Variants in CPA6 observed in about 807,000 individuals in gnomAD.
The protein encoded by CPA6 is carboxypeptidase B.
A neutral mutation model predicts 63.3 loss-of-function variants in CPA6; 58 were observed. The observed-to-expected ratio is 0.92, with a 90% CI of 0.74 to 1.14. The LOEUF is 1.14. Ranked by LOEUF, CPA6 falls within the 50% of genes most tolerant of loss-of-function variation. The pLI is 0.00. For missense variants in CPA6, 565 were observed against 526.6 expected, an observed-to-expected ratio of 1.07 and a Z score of -0.71; for synonymous variants, 185 against 179.0, an observed-to-expected ratio of 1.03 and a Z score of -0.27.
intron 3 of CPA6, among the ~76,000 whole-genome samples, chr8:67,516,049 A>G (rs1341974611): frequency 2.6e-5 from 4 of 151,998 alleles, no homozygotes; most frequent in African/African-American, 9.7e-5. Context: ...TTCACTGAGG[A>G]CCTCAACTTT....
At position 67,541,521 on chromosome 8, in the gene CPA6, C is replaced by G. The variant is rs565813770; in HGVS notation, c.193-23474G>C. Among the ~76,000 whole-genome samples, 738 of 152,198 alleles carry G rather than the reference C, an allele frequency of 4.8e-3. 8 individuals carry two copies. Among genetic ancestry groups the G allele is most frequent in the African/African-American group, 0.017 (693 of 41,528 alleles). On this transcript the variant is annotated intron_variant, in intron 2 of 10. Transcript: ENST00000297770. The stretch of plus-strand genomic sequence containing the variant: ...GCATGCAGCCCCCAGTCACATACCC[C>G]CTGCTTGCTCAATCGATCACGATCC...
rs188830996 is a variant in CPA6, at chr8:67,639,404, A to T, written c.117-15153T>A. ...AGCCAGACATGCAGCTACAAGGGGT[A>T]TGTGAATGAATGTGGGGTCCAGCTA... On this transcript the variant is annotated intron_variant, in intron 1 of 10. Coordinates refer to ENST00000297770, the MANE Select transcript of CPA6 (RefSeq NM_020361.5). Among the ~76,000 whole-genome samples, 229 of 151,696 alleles carry T rather than the reference A, an allele frequency of 1.5e-3. 3 individuals are homozygous for T. The highest frequency in any genetic ancestry group is 1.8e-3 in the Non-Finnish European group (122 of 68,012).
intron 1 of CPA6, among the ~76,000 whole-genome samples, chr8:67,712,899 G>T: frequency 6.6e-6 from 1 of 151,330 alleles, no homozygotes; most frequent in East Asian, 1.9e-4. Context: ...CCGCCCTCTT[G>T]GTTATTAGGT....
At chr8:67,571,377 C>G (rs1315698059) in intron 2 of CPA6, among the ~76,000 whole-genome samples, 2 of 152,140 alleles carry the variant, frequency 1.3e-5, no homozygotes, top group African/African-American at 4.8e-5. Flanking sequence ...GCAGAACATT[C>G]CAGCCAACAG....
intron 1 of CPA6, among the ~76,000 whole-genome samples, chr8:67,732,875 G>A (rs1042504223): frequency 1.3e-5 from 2 of 152,086 alleles, no homozygotes; most frequent in Non-Finnish European, 2.9e-5. Flanking sequence ...ATGTCACCCT[G>A]CTGCTTGTCC....
At chr8:67,700,512 T>TC (rs1191593201) in intron 1 of CPA6, among the ~76,000 whole-genome samples, 1 of 116,432 alleles carries the variant, frequency 8.6e-6, no homozygotes, top group Non-Finnish European at 1.7e-5. Flanking sequence ...TCTTTTGGTA[T>TC]TTTGGGGAGA....
chr8:67,653,277 A>G (rs571819751), intron 1 of CPA6, among the ~76,000 whole-genome samples: 25 of 152,294 alleles, frequency 1.6e-4, no homozygotes, highest in African/African-American at 2.6e-4. Context: ...AATTCTGTGA[A>G]GAAAGTCATT....
At chr8:67,686,018 A>T (rs1251128441) in intron 1 of CPA6, among the ~76,000 whole-genome samples, 1 of 152,216 alleles carries the variant, frequency 6.6e-6, no homozygotes, top group Non-Finnish European at 1.5e-5. Context: ...CTGCCGCTTG[A>T]TAATTTGCTT....
chr8:67,703,629 C>T (rs1276748777), intron 1 of CPA6, among the ~76,000 whole-genome samples: 2 of 152,212 alleles, frequency 1.3e-5, no homozygotes, highest in African/African-American at 4.8e-5. Flanking sequence ...ACCCATGGCT[C>T]TTGCTGCATT....
chr8:67,496,812 G>A (rs1273096204), intron 6 of CPA6, among the ~76,000 whole-genome samples: 1 of 151,710 alleles, frequency 6.6e-6, no homozygotes, highest in Non-Finnish European at 1.5e-5. Context: ...GCCCACCTTG[G>A]CCTCCCAAAG....
At chr8:67,635,919 A>G (rs1815458518) in intron 1 of CPA6, among the ~76,000 whole-genome samples, 1 of 151,590 alleles carries the variant, frequency 6.6e-6, no homozygotes. Context: ...AAGGGACCAG[A>G]GTAGATGACT....
chr8:67,560,160 G>T (rs1587562605), intron 2 of CPA6, among the ~76,000 whole-genome samples: 1 of 139,994 alleles, frequency 7.1e-6, no homozygotes, highest in Admixed American at 7.1e-5. Flanking sequence ...TGTATTTCCG[G>T]ATATATATAT....
At chr8:67,712,021 G>A (rs745567846) in intron 1 of CPA6, among the ~76,000 whole-genome samples, 2 of 152,016 alleles carry the variant, frequency 1.3e-5, no homozygotes, top group Non-Finnish European at 2.9e-5. Context: ...GCCCCCTCCC[G>A]CTATCTCCCT....
intron 2 of CPA6, among the ~76,000 whole-genome samples, chr8:67,619,414 A>T (rs1363243616): frequency 4.6e-5 from 7 of 152,166 alleles, no homozygotes; most frequent in African/African-American, 1.7e-4. Flanking sequence ...TTCTCTCTTC[A>T]GGTATCAATG....
chr8:67,478,354 A>G (rs937124215), intron 8 of CPA6, among the ~76,000 whole-genome samples: 1 of 152,192 alleles, frequency 6.6e-6, no homozygotes, highest in Non-Finnish European at 1.5e-5. Flanking sequence ...TGATAAACAT[A>G]TATAAAGTGT....
intron 2 of CPA6, among the ~76,000 whole-genome samples, chr8:67,622,323 T>C (rs567764594): frequency 6.6e-6 from 1 of 152,330 alleles, no homozygotes; most frequent in South Asian, 2.1e-4. Flanking sequence ...TGGTGGACTA[T>C]TCAGAAAGTG....
intron 2 of CPA6, among the ~76,000 whole-genome samples, chr8:67,589,837 C>A (rs922283746): frequency 1.3e-5 from 2 of 151,806 alleles, no homozygotes; most frequent in African/African-American, 4.8e-5. Context: ...ATTATTATAG[C>A]AATTGCTTTT....
At chr8:67,525,039 T>A (rs1812334426) in intron 2 of CPA6, among the ~76,000 whole-genome samples, 1 of 152,218 alleles carries the variant, frequency 6.6e-6, no homozygotes, top group Non-Finnish European at 1.5e-5. Context: ...TACTTTTCAC[T>A]GTATTATTTT....
At chr8:67,434,943 C>T (rs1256335115) in intron 8 of CPA6, among the ~76,000 whole-genome samples, 1 of 152,224 alleles carries the variant, frequency 6.6e-6, no homozygotes, top group Non-Finnish European at 1.5e-5. Context: ...GCGCCTGCGC[C>T]CAGACCCTGG....
Sources: allele counts gnomAD v4.1 joint callset (sites outside exome capture counted in the v4.1 genomes callset), GRCh38; gene constraint gnomAD v4.1.1; transcripts MANE v1.5; gene names NCBI Gene and HGNC (gene_info 2026-07-23, HGNC 2026-07-21).